The following APBB2 variants were observed in gnomAD, a reference collection of about 807,000 sequenced individuals.
APBB2 encodes the protein Fe65-like 1.
APBB2 carries 38 observed loss-of-function variants against 82.5 expected under a neutral mutation model. The observed-to-expected ratio is 0.46, with a 90% CI of 0.36 to 0.60. The LOEUF (loss-of-function observed/expected upper bound fraction) is 0.60. Ranked by LOEUF, APBB2 falls within the 20% of genes least tolerant of loss-of-function variation. APBB2 has a pLI of 0.00. For missense variants in APBB2, 772 were observed against 972.3 expected, an observed-to-expected ratio of 0.79 and a Z score of 2.74; for synonymous variants, 341 against 368.2, an observed-to-expected ratio of 0.93 and a Z score of 0.85.
intron 3 of APBB2, among the ~76,000 whole-genome samples, chr4:41,068,454 T>A (rs1218837805): frequency 6.6e-6 from 1 of 152,126 alleles, no homozygotes; most frequent in African/African-American, 2.4e-5. Flanking sequence ...TTCTAGAAAA[T>A]AGTTGGCAAC....
chr4:41,178,154 C>T (rs1770332411), intron 1 of APBB2, among the ~76,000 whole-genome samples: 1 of 152,132 alleles, frequency 6.6e-6, no homozygotes, highest in African/African-American at 2.4e-5. Flanking sequence ...TCCAGAAAAC[C>T]TTACCCACAT....
intron 12 of APBB2, among the ~76,000 whole-genome samples, chr4:40,849,315 C>T (rs1327437266): frequency 6.6e-6 from 1 of 152,152 alleles, no homozygotes; most frequent in Non-Finnish European, 1.5e-5. Context: ...AAAAGCCAAG[C>T]GAATCTATAC....
intron 1 of APBB2, among the ~76,000 whole-genome samples, chr4:41,200,559 C>T (rs1337436470): frequency 6.6e-6 from 1 of 152,252 alleles, no homozygotes; most frequent in African/African-American, 2.4e-5. Flanking sequence ...TGGAACTTAT[C>T]CTCCGTGATT....
intron 5 of APBB2, among the ~76,000 whole-genome samples, chr4:41,025,110 T>C (rs1481897895): frequency 6.6e-6 from 1 of 152,086 alleles, no homozygotes; most frequent in Non-Finnish European, 1.5e-5. Flanking sequence ...TCAATAAAAA[T>C]CCTCCAGTTT....
intron 4 of APBB2, among the ~76,000 whole-genome samples, chr4:41,049,561 C>G (rs868815324): frequency 2.2e-4 from 33 of 151,364 alleles, no homozygotes; most frequent in African/African-American, 7.8e-4. Context: ...AGGTGGGGGG[C>G]GCCTCTGCCC....
rs549982869 is a variant in APBB2, at chr4:40,932,749, C to T, written c.1254+1707G>A. Reference sequence around the variant, plus strand: ...TAACTTGTAAATGAAAAATGCAAAACGAAAATGCAAGCCCCCGCCCCGTTC... The same window carrying T: ...TAACTTGTAAATGAAAAATGCAAAATGAAAATGCAAGCCCCCGCCCCGTTC... On this transcript the variant is annotated intron_variant, in intron 10 of 17. Coordinates refer to ENST00000508593, the MANE Select transcript of APBB2 (RefSeq NM_004307.2). 9.9e-5 allele frequency among the ~76,000 whole-genome samples: 15 copies of T among 152,042 alleles called. 1 individual carries two copies. The highest frequency in any genetic ancestry group is 2.1e-4 in the South Asian group (1 of 4,812).
intron 4 of APBB2, among the ~76,000 whole-genome samples, chr4:41,038,314 A>G (rs1301385657): frequency 6.6e-6 from 1 of 152,226 alleles, no homozygotes; most frequent in East Asian, 1.9e-4. Context: ...CTAAAGAGGA[A>G]TGAAAGATTT....
chr4:41,039,285 G>A (rs1290770688), intron 4 of APBB2, among the ~76,000 whole-genome samples: 1 of 152,158 alleles, frequency 6.6e-6, no homozygotes, highest in Non-Finnish European at 1.5e-5. Flanking sequence ...TCAAGTAGTG[G>A]ACCCCTTCCA....
chr4:40,848,709 C>A (rs1433981215), intron 12 of APBB2, among the ~76,000 whole-genome samples: 1 of 151,736 alleles, frequency 6.6e-6, no homozygotes, highest in Non-Finnish European at 1.5e-5. Context: ...CCAACCCCCA[C>A]CCGCCCCACC....
At chr4:40,867,479 CA>C (rs1215583040) in intron 12 of APBB2, among the ~76,000 whole-genome samples, 41 of 152,240 alleles carry the variant, frequency 2.7e-4, no homozygotes, top group African/African-American at 9.6e-4. Flanking sequence ...TGAGTGAACT[CA>C]ATTATAAGAG....
At chr4:41,053,541 T>A (rs546079783) in intron 4 of APBB2, among the ~76,000 whole-genome samples, 1 of 152,258 alleles carries the variant, frequency 6.6e-6, no homozygotes, top group South Asian at 2.1e-4. Context: ...TGGCAAAAAA[T>A]TTAATAATAC....
intron 3 of APBB2, among the ~76,000 whole-genome samples, chr4:41,078,676 G>C (rs1435652632): frequency 6.6e-6 from 1 of 152,196 alleles, no homozygotes; most frequent in African/African-American, 2.4e-5. Flanking sequence ...GGCCGTCTTA[G>C]TTAAATAGAG....
chr4:41,039,828 C>T (rs1168192604), intron 4 of APBB2, among the ~76,000 whole-genome samples: 1 of 106,316 alleles, frequency 9.4e-6, no homozygotes, highest in Non-Finnish European at 2.0e-5. Context: ...GGTGTGAGAC[C>T]TTGTCTCAAA....
intron 12 of APBB2, among the ~76,000 whole-genome samples, chr4:40,865,605 T>C (rs1269240557): frequency 6.6e-6 from 1 of 152,228 alleles, no homozygotes; most frequent in Non-Finnish European, 1.5e-5. Context: ...TTGTTGAGTG[T>C]ATCAACAGTG....
rs562927020 is a variant in APBB2 at position 40,960,307 on chromosome 4, T to C, written c.836-15234A>G. Among the ~76,000 whole-genome samples, 3 of 152,160 alleles carry C rather than the reference T, an allele frequency of 2.0e-5. No individual in the cohort carries two copies. The East Asian group carries it at 5.8e-4, about 29-fold the overall frequency. On this transcript the variant is annotated intron_variant, in intron 6 of 17. Transcript: ENST00000508593. ...AAAAAAGAATTTGAGGCAGGCTATA[T>C]AAAACATATAAATATATTTCAGTCA...
At chr4:40,983,732 C>T (rs1395474061) in intron 6 of APBB2, among the ~76,000 whole-genome samples, 1 of 152,146 alleles carries the variant, frequency 6.6e-6, no homozygotes, top group African/African-American at 2.4e-5. Context: ...TGCATGCCAC[C>T]ATACCCCGCT....
chr4:41,208,653 G>A (rs140356357), intron 1 of APBB2, among the ~76,000 whole-genome samples: 181 of 152,214 alleles, frequency 1.2e-3, no homozygotes, highest in African/African-American at 4.1e-3. Flanking sequence ...GTTACACTTC[G>A]GGAACTTCAG....
At chr4:41,142,813 C>T (rs569701744) in intron 2 of APBB2, among the ~76,000 whole-genome samples, 174 bp downstream of exon 2, 4 of 152,282 alleles carry the variant, frequency 2.6e-5, no homozygotes, top group African/African-American at 9.6e-5. Context: ...GACATCATTA[C>T]ACTATACACA....
At chr4:41,012,081 G>C (rs1166752183) in intron 6 of APBB2, among the ~76,000 whole-genome samples, 1 of 151,234 alleles carries the variant, frequency 6.6e-6, no homozygotes. Context: ...TCTTGAACTT[G>C]TGGGCTCAGG....
Sources: gnomAD v4.1 joint callset for allele counts (sites outside exome capture counted in the v4.1 genomes callset) on GRCh38, gnomAD v4.1.1 for gene constraint, MANE v1.5 for transcripts, NCBI Gene and HGNC (gene_info 2026-07-23, HGNC 2026-07-21) for gene names.